SESTD1: variants seen among roughly 807,000 people sequenced by gnomAD.
SESTD1 encodes SEC14 and spectrin domain containing 1.
In SESTD1, 43 loss-of-function variants were observed where a neutral mutation model predicts 101.7. That is an observed-to-expected ratio of 0.42 (90% CI 0.33 to 0.55). The LOEUF (loss-of-function observed/expected upper bound fraction) is 0.55, where lower values mean the gene tolerates loss of function less well. Ranked by LOEUF, SESTD1 falls within the 20% of genes least tolerant of loss-of-function variation. SESTD1 has a pLI of 0.07. For missense variants in SESTD1, 647 were observed against 815.1 expected, an observed-to-expected ratio of 0.79 and a Z score of 2.51; for synonymous variants, 283 against 286.8, an observed-to-expected ratio of 0.99 and a Z score of 0.13.
rs780680620 is a variant in SESTD1, at chr2:179,124,571, T to C, written c.973-13A>G. The C allele has an allele frequency of 3.1e-6, 5 of 1,602,072 alleles. No individual in the cohort carries two copies. Among genetic ancestry groups the C allele is most frequent in the Non-Finnish European group, 3.4e-6 (4 of 1,170,586 alleles). On this transcript the variant is annotated splice_polypyrimidine_tract_variant and intron_variant, in intron 10 of 17. Coordinates refer to ENST00000428443, the MANE Select transcript of SESTD1 (RefSeq NM_178123.5). ...CTGCAAACCATTCCTGTAATCAAGA[T>C]GTTACAAAGTAAACTAAGGCTCAAA... is the stretch of plus-strand genomic sequence containing the variant.
intron 9 of SESTD1, among the ~76,000 whole-genome samples, chr2:179,136,820 T>A (rs2045156401): frequency 6.6e-6 from 1 of 152,034 alleles, no homozygotes; most frequent in Non-Finnish European, 1.5e-5. Flanking sequence ...TGCTGTAAAT[T>A]GAAAAATAAA....
Position 179,199,098 on chromosome 2 carries a change from C to T in SESTD1, c.-25-7232G>A, listed in dbSNP as rs919201792. On this transcript the variant is annotated intron_variant, in intron 1 of 17. Coordinates refer to ENST00000428443, the MANE Select transcript of SESTD1 (RefSeq NM_178123.5). ...AAAAAAGAGAGAAGAATCAAATAGA[C>T]GCAATAAAAAATGATAAAGGGGAAA... Among the ~76,000 whole-genome samples, 19 of 152,002 alleles carry T rather than the reference C, an allele frequency of 1.2e-4. No individual in the cohort carries two copies. In the East Asian group the frequency reaches 2.3e-3, roughly 19 times the overall value.
intron 5 of SESTD1, among the ~76,000 whole-genome samples, chr2:179,168,652 T>G (rs1246038563): frequency 6.6e-6 from 1 of 152,166 alleles, no homozygotes; most frequent in African/African-American, 2.4e-5. Context: ...AAAGAAGTAC[T>G]TTAGGCAGAA....
At chr2:179,195,478 A>T (rs1221020981) in intron 1 of SESTD1, among the ~76,000 whole-genome samples, 1 of 152,228 alleles carries the variant, frequency 6.6e-6, no homozygotes, top group Non-Finnish European at 1.5e-5. Flanking sequence ...ACCCAGTCTC[A>T]GGTATTTCTT....
chr2:179,253,165 T>G (rs1386966101), intron 1 of SESTD1, among the ~76,000 whole-genome samples: 1 of 152,342 alleles, frequency 6.6e-6, no homozygotes, highest in South Asian at 2.1e-4. Flanking sequence ...TCAACACTTT[T>G]GTTTTTTAGT....
intron 1 of SESTD1, among the ~76,000 whole-genome samples, chr2:179,248,058 G>GA (rs2047259859): frequency 6.6e-6 from 1 of 151,396 alleles, no homozygotes. Context: ...GCAGAAGGGG[G>GA]AAAAAAGGCA....
rs2046573429 is a variant in SESTD1, at chr2:179,205,171, TAG to T, written c.-25-13307_-25-13306del. Among the ~76,000 whole-genome samples the T allele has an allele frequency of 1.5e-5, 2 of 130,602 alleles. 1 individual carries two copies. Among genetic ancestry groups the T allele is most frequent in the South Asian group, 5.8e-4 (2 of 3,466 alleles). The allele number at this position is 130,602 out of a possible 152,430, so 85.7% of individuals were successfully genotyped here. ...AGCAAAACTAAAATTGAGAGTTTAG[TAG>T]ACAGTCTCCAACCACACTTAAGGCT... On this transcript the variant is annotated intron_variant, in intron 1 of 17. Coordinates refer to ENST00000428443, the MANE Select transcript of SESTD1 (RefSeq NM_178123.5).
At chr2:179,146,547 G>A (rs560364050) in intron 7 of SESTD1, 90 bp from the exon 8 acceptor site, 1 of 1,038,796 alleles carries the variant, frequency 9.6e-7, no homozygotes, top group African/African-American at 1.6e-5. Flanking sequence ...AACAGAACAG[G>A]GGCACAAAAG....
chr2:179,138,313 C>CA (rs1205248641), intron 9 of SESTD1, among the ~76,000 whole-genome samples: 3 of 152,116 alleles, frequency 2.0e-5, no homozygotes, highest in African/African-American at 7.2e-5. Context: ...ACCCATTTAG[C>CA]AAAGTAAAAA....
intron 1 of SESTD1, among the ~76,000 whole-genome samples, chr2:179,250,112 C>G (rs1380207953): frequency 6.6e-6 from 1 of 151,886 alleles, no homozygotes; most frequent in African/African-American, 2.4e-5. Context: ...AATTACTTAA[C>G]AAACCACATA....
At chr2:179,136,060 C>G (rs527443984) in intron 9 of SESTD1, among the ~76,000 whole-genome samples, 35 of 152,238 alleles carry the variant, frequency 2.3e-4, no homozygotes, top group African/African-American at 8.4e-4. Context: ...ACGAAAGAGA[C>G]AGGTAAGCAG....
chr2:179,196,102 C>T (rs1331257395), intron 1 of SESTD1, among the ~76,000 whole-genome samples: 5 of 152,184 alleles, frequency 3.3e-5, no homozygotes, highest in Admixed American at 6.5e-5. Context: ...GGTGCACGCA[C>T]CATGTGCAAA....
At chr2:179,179,397 G>GA (rs968851628) in intron 3 of SESTD1, among the ~76,000 whole-genome samples, 2 of 152,140 alleles carry the variant, frequency 1.3e-5, no homozygotes, top group African/African-American at 2.4e-5. Context: ...ATGTAAACGT[G>GA]AAACTGTCTA....
At chr2:179,221,619 A>G (rs897139989) in intron 1 of SESTD1, among the ~76,000 whole-genome samples, 3 of 130,710 alleles carry the variant, frequency 2.3e-5, no homozygotes, top group Non-Finnish European at 4.8e-5. Context: ...ACTGTTAAGG[A>G]AAAAAAAAAA....
At chr2:179,260,520 GA>G (rs1322503529) in intron 1 of SESTD1, among the ~76,000 whole-genome samples, 6 of 143,846 alleles carry the variant, frequency 4.2e-5, no homozygotes, top group East Asian at 2.0e-4. Context: ...TGTCTCAAAA[GA>G]AAAAAAAAAA....
chr2:179,180,926 A>G (rs1396905572), intron 3 of SESTD1, among the ~76,000 whole-genome samples: 1 of 152,208 alleles, frequency 6.6e-6, no homozygotes, highest in East Asian at 1.9e-4. Context: ...GCAGAAGGAT[A>G]GAGTTTTCAT....
chr2:179,181,774 A>C (rs1016250346), intron 3 of SESTD1, among the ~76,000 whole-genome samples: 1 of 152,152 alleles, frequency 6.6e-6, no homozygotes, highest in Non-Finnish European at 1.5e-5. Flanking sequence ...ATAATTTGTA[A>C]GCTATAAGTC....
intron 3 of SESTD1, among the ~76,000 whole-genome samples, chr2:179,177,554 GA>G (rs1264511659): frequency 6.6e-6 from 1 of 152,134 alleles, no homozygotes; most frequent in Non-Finnish European, 1.5e-5. Flanking sequence ...CTAGTTCCAA[GA>G]AGGCTCTTGG....
chr2:179,123,180 GACATCAAGCCTACA>G (rs762539701), intron 12 of SESTD1, among the ~76,000 whole-genome samples: 2 of 151,992 alleles, frequency 1.3e-5, no homozygotes, highest in Non-Finnish European at 2.9e-5. Flanking sequence ...GATGTCAAAT[GACATCAAGCCTACA>G]TCAGCTTAAT....
Sources: gnomAD v4.1 joint callset for allele counts (sites outside exome capture counted in the v4.1 genomes callset) on GRCh38, gnomAD v4.1.1 for gene constraint, MANE v1.5 for transcripts, NCBI Gene and HGNC (gene_info 2026-07-23, HGNC 2026-07-21) for gene names.